Variants in CDC73 observed in about 807,000 individuals in gnomAD.
The protein encoded by CDC73 is parafibromin.
CDC73 carries 21 observed loss-of-function variants against 83.7 expected under a neutral mutation model. That is an observed-to-expected ratio of 0.25 (90% CI 0.18 to 0.36). The LOEUF (loss-of-function observed/expected upper bound fraction) is 0.36, where lower values mean the gene tolerates loss of function less well. CDC73 is among the 10% of genes least tolerant of loss of function. CDC73 has a pLI of 1.00. For missense variants in CDC73, 342 were observed against 653.3 expected (o/e 0.52, Z 5.19); for synonymous variants, 224 against 212.9 (o/e 1.05, Z -0.45).
At chr1:193,220,298 G>A (rs554584495) in intron 13 of CDC73, among the ~76,000 whole-genome samples, 1 of 151,612 alleles carries the variant, frequency 6.6e-6, no homozygotes, top group African/African-American at 2.4e-5. Flanking sequence ...TGAGTAGCTG[G>A]GATTACAGGC....
Position 193,135,378 on chromosome 1 carries a change from T to C in CDC73, c.308-13T>C. 1.2e-6 allele frequency: 2 copies of C among 1,607,224 alleles called. No individual in the cohort carries two copies. The highest frequency in any genetic ancestry group is 1.7e-6 in the Non-Finnish European group (2 of 1,173,810). ...AAATAGTAATCCTTACGTGAATCTT[T>C]TTATGTCTTCAGCAACATCGGCAAG... On this transcript the variant is annotated splice_polypyrimidine_tract_variant and intron_variant, in intron 3 of 16. Coordinates refer to ENST00000367435, the MANE Select transcript of CDC73 (RefSeq NM_024529.5).
chr1:193,189,607 A>G (rs1176094420), intron 10 of CDC73, among the ~76,000 whole-genome samples: 1 of 152,188 alleles, frequency 6.6e-6, no homozygotes, highest in Non-Finnish European at 1.5e-5. Context: ...CCGTGATGGC[A>G]AAATAGGTGG....
intron 6 of CDC73, 137 bp downstream of exon 6, chr1:193,138,310 A>C (rs1221688073): frequency 2.8e-6 from 2 of 709,448 alleles, no homozygotes; most frequent in Non-Finnish European, 5.1e-6. Context: ...TAAGTTCGTA[A>C]GAACATGTGT....
chr1:193,186,771 G>A (rs1371682062), intron 10 of CDC73: 1 of 152,160 alleles, frequency 6.6e-6, no homozygotes, highest in African/African-American at 2.4e-5. Context: ...TTGAATGCAA[G>A]TGTAGTGATG....
At chr1:193,225,588 A>T (rs1374727693) in intron 13 of CDC73, among the ~76,000 whole-genome samples, 4 of 151,874 alleles carry the variant, frequency 2.6e-5, no homozygotes, top group African/African-American at 7.3e-5. Flanking sequence ...TGATTTTTTG[A>T]CTAGGGCCAT....
intron 2 of CDC73, among the ~76,000 whole-genome samples, chr1:193,129,242 C>T (rs370189630): frequency 3.3e-5 from 5 of 151,980 alleles, no homozygotes; most frequent in South Asian, 2.1e-4. Context: ...ATGATCCACC[C>T]GTCTCGACCT....
intron 10 of CDC73, among the ~76,000 whole-genome samples, chr1:193,200,046 G>A (rs973894744): frequency 2.1e-5 from 3 of 145,184 alleles, no homozygotes; most frequent in Non-Finnish European, 3.0e-5. Flanking sequence ...GGGCAACATG[G>A]CGAAACCCTG....
Position 193,212,458 on chromosome 1 carries a change from G to A in CDC73, c.1135G>A (p.Asp379Asn), listed in dbSNP as rs971586985. The part of the protein sequence containing the change: ...TSLITMLNAK[D>N]LLQDLKFVPS... The stretch of plus-strand genomic sequence containing the variant: ...TTTAATAACCATGCTTAATGCAAAA[G>A]ACCTTCTACAGGACCTGAAGTAAGT... Residue 379 changes from aspartate to asparagine, a missense_variant, in exon 13 of 17, where the codon GAC (aspartate) becomes AAC (asparagine). Physicochemically the swap from Asp to Asn is conservative, Grantham distance 23. Transcript: ENST00000367435. 9.5e-5 allele frequency: 152 copies of A among 1,598,288 alleles called. No homozygotes were observed. The highest frequency in any genetic ancestry group is 1.3e-4 in the Non-Finnish European group (149 of 1,167,014).
At chr1:193,147,599 A>C (rs1481925314) in intron 7 of CDC73, among the ~76,000 whole-genome samples, 17 of 152,030 alleles carry the variant, frequency 1.1e-4, no homozygotes, top group Admixed American at 1.1e-3. Flanking sequence ...CCATCTCCTG[A>C]CCTCGTGATC....
At chr1:193,169,392 A>G (rs1676484277) in intron 10 of CDC73, among the ~76,000 whole-genome samples, 1 of 152,178 alleles carries the variant, frequency 6.6e-6, no homozygotes, top group Non-Finnish European at 1.5e-5. Flanking sequence ...TAAAAATACA[A>G]AAATTAGCTG....
At chr1:193,231,642 T>C (rs1238090800) in intron 13 of CDC73, among the ~76,000 whole-genome samples, 22 of 152,148 alleles carry the variant, frequency 1.4e-4, no homozygotes, top group Admixed American at 1.3e-3. Context: ...TTAAATGATA[T>C]AGAAATCTTA....
chr1:193,228,539 C>T (rs1677602685), intron 13 of CDC73, among the ~76,000 whole-genome samples: 2 of 152,002 alleles, frequency 1.3e-5, no homozygotes, highest in Non-Finnish European at 2.9e-5. Context: ...ATACTATTTT[C>T]GACAAAGACA....
chr1:193,183,448 A>G (rs139370582), intron 10 of CDC73, among the ~76,000 whole-genome samples: 159 of 149,028 alleles, frequency 1.1e-3, no homozygotes, highest in African/African-American at 3.6e-3. Flanking sequence ...ATTTGTTTAT[A>G]TGAATTTAAA....
intron 13 of CDC73, among the ~76,000 whole-genome samples, chr1:193,224,634 CAT>C (rs1195851804): frequency 1.3e-4 from 19 of 151,900 alleles, no homozygotes; most frequent in Non-Finnish European, 2.5e-4. Context: ...CACATACACA[CAT>C]ATATGAAATC....
intron 10 of CDC73, among the ~76,000 whole-genome samples, chr1:193,157,699 GT>G (rs1021704661): frequency 3.3e-5 from 5 of 152,118 alleles, no homozygotes; most frequent in Non-Finnish European, 1.5e-5. Flanking sequence ...TCTATAGACT[GT>G]TTTGGCCGTC....
chr1:193,153,642 G>C (rs1448989615), intron 10 of CDC73, among the ~76,000 whole-genome samples: 4 of 152,046 alleles, frequency 2.6e-5, no homozygotes, highest in Admixed American at 1.3e-4. Context: ...TTTTTTTCTG[G>C]ACTTCAAATT....
At chr1:193,157,260 C>T (rs887419448) in intron 10 of CDC73, among the ~76,000 whole-genome samples, 1 of 152,220 alleles carries the variant, frequency 6.6e-6, no homozygotes, top group East Asian at 1.9e-4. Context: ...TGTTTTTCTT[C>T]TTCCTGCCTG....
intron 10 of CDC73, chr1:193,179,890 T>C (rs1676681227): frequency 6.5e-6 from 1 of 153,086 alleles, no homozygotes; most frequent in Non-Finnish European, 1.5e-5. Context: ...AGTGATGTTT[T>C]ATTTACATTA....
At chr1:193,206,456 G>A (rs559219421) in intron 11 of CDC73, among the ~76,000 whole-genome samples, 57 of 152,278 alleles carry the variant, frequency 3.7e-4, no homozygotes, top group African/African-American at 7.5e-4. Flanking sequence ...GATTGGAATG[G>A]ATAGTAGTAG....
Sources: gnomAD v4.1 joint callset for allele counts (sites outside exome capture counted in the v4.1 genomes callset) on GRCh38, gnomAD v4.1.1 for gene constraint, MANE v1.5 for transcripts, NCBI Gene and HGNC (gene_info 2026-07-23, HGNC 2026-07-21) for gene names.